Variants in CCBE1 observed in about 807,000 individuals in gnomAD.
CCBE1 encodes the protein collagen and calcium-binding EGF domain-containing protein 1.
A neutral mutation model predicts 50.0 loss-of-function variants in CCBE1; 37 were observed. The ratio of observed to expected loss-of-function variants is 0.74; its 90% confidence interval spans 0.57 to 0.97. The LOEUF is 0.97. Ranked by LOEUF, CCBE1 falls within the 50% of genes least tolerant of loss-of-function variation. The pLI is 0.00. For synonymous variants in CCBE1, 234 were observed against 203.7 expected, an observed-to-expected ratio of 1.15 and a Z score of -1.27; for missense variants, 538 against 523.8, an observed-to-expected ratio of 1.03 and a Z score of -0.26.
intron 2 of CCBE1, among the ~76,000 whole-genome samples, chr18:59,514,652 A>G (rs1457833451): frequency 1.3e-5 from 2 of 150,722 alleles, no homozygotes; most frequent in Non-Finnish European, 3.0e-5. Flanking sequence ...CTTGAAAAAA[A>G]AAAAAAAAAG....
chr18:59,588,370 T>G (rs765594699), intron 2 of CCBE1, among the ~76,000 whole-genome samples: 4 of 152,096 alleles, frequency 2.6e-5, no homozygotes, highest in Non-Finnish European at 5.9e-5. Context: ...GAGACCAGCT[T>G]GGGAAACTTC....
intron 2 of CCBE1, among the ~76,000 whole-genome samples, chr18:59,489,598 A>G (rs1038943476): frequency 6.6e-6 from 1 of 151,994 alleles, no homozygotes; most frequent in Non-Finnish European, 1.5e-5. Context: ...TTTTTAGTAG[A>G]GATGGGGTTT....
intron 2 of CCBE1, among the ~76,000 whole-genome samples, chr18:59,559,645 C>T (rs116347855): frequency 0.012 from 1,862 of 152,288 alleles, 36 homozygotes; most frequent in African/African-American, 0.043. Context: ...TGGGGGACTC[C>T]AAATAACCAA....
intron 2 of CCBE1, among the ~76,000 whole-genome samples, chr18:59,662,746 T>G (rs2054301586): frequency 6.6e-6 from 1 of 152,156 alleles, no homozygotes; most frequent in African/African-American, 2.4e-5. Flanking sequence ...GCAGAATAGA[T>G]GCAAATGCTC....
chr18:59,688,701 G>A (rs1452755409), intron 2 of CCBE1, among the ~76,000 whole-genome samples: 1 of 152,168 alleles, frequency 6.6e-6, no homozygotes, highest in African/African-American at 2.4e-5. Flanking sequence ...TGCTCATTTC[G>A]AGTATCACTT....
At chr18:59,457,731 G>A (rs560353211) in intron 5 of CCBE1, among the ~76,000 whole-genome samples, 30 of 152,286 alleles carry the variant, frequency 2.0e-4, no homozygotes, top group African/African-American at 7.2e-4. Flanking sequence ...GAATGGAGTT[G>A]TCCTGAAATT....
chr18:59,647,741 A>G (rs2144659635), intron 2 of CCBE1, among the ~76,000 whole-genome samples: 1 of 152,360 alleles, frequency 6.6e-6, no homozygotes, highest in South Asian at 2.1e-4. Flanking sequence ...AGAATTTTCA[A>G]ATTCTGTTAT....
intron 2 of CCBE1, among the ~76,000 whole-genome samples, chr18:59,520,664 G>A (rs534978360): frequency 1.0e-3 from 156 of 152,350 alleles, no homozygotes; most frequent in Non-Finnish European, 2.0e-3. Flanking sequence ...AGGCAACAAA[G>A]TTGACTCTAA....
intron 2 of CCBE1, among the ~76,000 whole-genome samples, chr18:59,679,362 T>G (rs1301376474): frequency 1.3e-5 from 2 of 152,244 alleles, no homozygotes; most frequent in Non-Finnish European, 2.9e-5. Context: ...GTTTAATATT[T>G]ATATTGAGTT....
intron 2 of CCBE1, among the ~76,000 whole-genome samples, chr18:59,520,476 A>G (rs1351644116): frequency 6.6e-6 from 1 of 152,236 alleles, no homozygotes; most frequent in Non-Finnish European, 1.5e-5. Flanking sequence ...CAATGAAGCA[A>G]TGGTAGTTTT....
chr18:59,644,966 C>T (rs2054036878), intron 2 of CCBE1, among the ~76,000 whole-genome samples: 1 of 152,214 alleles, frequency 6.6e-6, no homozygotes, highest in Non-Finnish European at 1.5e-5. Context: ...CATCAAAACG[C>T]TACCCTTGGC....
chr18:59,678,173 G>C (rs868759683), intron 2 of CCBE1, among the ~76,000 whole-genome samples: 5 of 152,146 alleles, frequency 3.3e-5, no homozygotes, highest in Non-Finnish European at 7.3e-5. Context: ...AAGGAGGGGG[G>C]AGGACTCAAA....
intron 5 of CCBE1, among the ~76,000 whole-genome samples, chr18:59,465,861 A>G (rs954478275): frequency 3.9e-5 from 6 of 152,070 alleles, no homozygotes; most frequent in Non-Finnish European, 8.8e-5. Flanking sequence ...CTAAACACAT[A>G]TCTAAGCTCT....
intron 2 of CCBE1, among the ~76,000 whole-genome samples, chr18:59,535,517 A>G (rs148237946): frequency 1.2e-4 from 18 of 152,280 alleles, no homozygotes; most frequent in Non-Finnish European, 2.5e-4. Context: ...AAGTGTGCAC[A>G]CTACCCCTGG....
At chr18:59,595,114 C>CA (rs546035209) in intron 2 of CCBE1, among the ~76,000 whole-genome samples, 3,628 of 73,334 alleles carry the variant, frequency 0.049, 104 homozygotes, top group Middle Eastern at 0.083. Context: ...GACTCTGTCT[C>CA]AAAAAAAAAA....
At chr18:59,644,982 G>A (rs973273236) in intron 2 of CCBE1, among the ~76,000 whole-genome samples, 1 of 152,204 alleles carries the variant, frequency 6.6e-6, no homozygotes, top group Non-Finnish European at 1.5e-5. Context: ...TTGGCCAGAT[G>A]CAGTGGCTCA....
At chr18:59,486,063 C>T (rs1912811332) in intron 2 of CCBE1, among the ~76,000 whole-genome samples, 1 of 152,082 alleles carries the variant, frequency 6.6e-6, no homozygotes, top group Non-Finnish European at 1.5e-5. Flanking sequence ...ATTGCTTGCG[C>T]CTTGCTCCTT....
rs139111294 is a variant in CCBE1 at position 59,693,198 on chromosome 18, T to C, written c.212+3431A>G. ...GCAGGAAGTCCCTTGCCCTCCTAAA[T>C]GCCACCCTACTTCTAAGAAGAATGG... On this transcript the variant is annotated intron_variant, in intron 2 of 10. Coordinates refer to ENST00000439986, the MANE Select transcript of CCBE1 (RefSeq NM_133459.4). Among the ~76,000 whole-genome samples, 248 of 152,298 alleles carry C rather than the reference T, an allele frequency of 1.6e-3. 2 individuals carry two copies. The highest frequency in any genetic ancestry group is 5.8e-3 in the African/African-American group (239 of 41,564).
chr18:59,501,904 T>C (rs1913639968), intron 2 of CCBE1, among the ~76,000 whole-genome samples: 1 of 152,182 alleles, frequency 6.6e-6, no homozygotes, highest in Non-Finnish European at 1.5e-5. Flanking sequence ...CCTTCTGGAC[T>C]CCCCTCACCT....
Sources: allele counts gnomAD v4.1 joint callset (sites outside exome capture counted in the v4.1 genomes callset), GRCh38; gene constraint gnomAD v4.1.1; transcripts MANE v1.5; gene names NCBI Gene and HGNC (gene_info 2026-07-23, HGNC 2026-07-21).